The following CLIC5 variants were observed in gnomAD, a reference collection of about 807,000 sequenced individuals.
CLIC5 encodes the protein chloride intracellular channel protein 5.
A neutral mutation model predicts 24.7 loss-of-function variants in CLIC5; 20 were observed. The observed-to-expected ratio is 0.81, with a 90% CI of 0.57 to 1.18. The LOEUF is 1.18. Ranked by LOEUF, CLIC5 falls within the 50% of genes most tolerant of loss-of-function variation. The probability of loss-of-function intolerance (pLI) is 0.00; values close to 1 mark genes in which losing one functional copy is unlikely to be tolerated. For synonymous variants in CLIC5, 159 were observed against 135.6 expected (o/e 1.17, Z -1.20); for missense variants, 341 against 326.1 (o/e 1.05, Z -0.35).
intron 1 of CLIC5, among the ~76,000 whole-genome samples, chr6:45,980,451 C>T: frequency 6.6e-6 from 1 of 151,982 alleles, no homozygotes; most frequent in East Asian, 1.9e-4. Context: ...GGAAAACTAC[C>T]TATTGTGTAC....
intron 1 of CLIC5, among the ~76,000 whole-genome samples, chr6:46,072,552 A>G (rs556525855): frequency 6.6e-6 from 1 of 152,242 alleles, no homozygotes; most frequent in South Asian, 2.1e-4. Context: ...CTCTTGGGGG[A>G]AAAATTGCAA....
intron 1 of CLIC5, among the ~76,000 whole-genome samples, chr6:46,034,895 A>C (rs1442801239): frequency 6.6e-6 from 1 of 152,212 alleles, no homozygotes; most frequent in Non-Finnish European, 1.5e-5. Flanking sequence ...GGTTCGGAGA[A>C]GTGGGACCGT....
the CLIC5 span, among the ~76,000 whole-genome samples, chr6:46,094,477 C>T: frequency 6.6e-6 from 1 of 152,188 alleles, no homozygotes; most frequent in Non-Finnish European, 1.5e-5. Context: ...TGGGTAAATA[C>T]TCCTGTTCCA....
chr6:46,047,028 C>G (rs907239824), intron 1 of CLIC5, among the ~76,000 whole-genome samples: 1 of 152,182 alleles, frequency 6.6e-6, no homozygotes, highest in African/African-American at 2.4e-5. Flanking sequence ...AGAAAGGGAC[C>G]TACCGTAGTG....
At chr6:46,075,073 A>T (rs950105216) in intron 1 of CLIC5, among the ~76,000 whole-genome samples, 1 of 152,234 alleles carries the variant, frequency 6.6e-6, no homozygotes, top group Non-Finnish European at 1.5e-5. Flanking sequence ...AGGCTCCTAT[A>T]TATTGACATT....
chr6:46,036,030 C>CCACTGCGCCAGGCCGACTGCA (rs1767649710), intron 1 of CLIC5, among the ~76,000 whole-genome samples: 1 of 152,032 alleles, frequency 6.6e-6, no homozygotes, highest in South Asian at 2.1e-4. Context: ...CAGGCGTGAG[C>CCACTGCGCCAGGCCGACTGCA]AAGCATGCCC....
chr6:45,922,618 T>C (rs9381410), intron 4 of CLIC5, among the ~76,000 whole-genome samples: 46,264 of 151,990 alleles, frequency 0.3, 7,225 homozygotes, highest in East Asian at 0.47. Context: ...GCCTTTAGTA[T>C]AATATTTTCT....
At chr6:46,026,918 T>C (rs1767346938) in intron 1 of CLIC5, among the ~76,000 whole-genome samples, 1 of 152,204 alleles carries the variant, frequency 6.6e-6, no homozygotes, top group South Asian at 2.1e-4. Flanking sequence ...AACCAGAAGA[T>C]GAGATAGCAC....
At chr6:46,006,127 CATATATATATATATATATAT>C (rs58643121) in intron 1 of CLIC5, among the ~76,000 whole-genome samples, 5 of 35,148 alleles carry the variant, frequency 1.4e-4, no homozygotes, top group African/African-American at 3.7e-4. Context: ...TGTATAAATA[CATATATATATATATATATAT>C]ATATATATAT....
At chr6:45,969,095 T>A (rs1369313460) in intron 1 of CLIC5, among the ~76,000 whole-genome samples, 1 of 152,200 alleles carries the variant, frequency 6.6e-6, no homozygotes, top group Non-Finnish European at 1.5e-5. Flanking sequence ...AAAATTCCAA[T>A]GGCTGAGTAG....
chr6:46,050,998 TGA>T (rs1441644711), intron 1 of CLIC5, among the ~76,000 whole-genome samples: 4 of 152,114 alleles, frequency 2.6e-5, no homozygotes, highest in African/African-American at 9.7e-5. Context: ...CCACTGTGTG[TGA>T]GTCAAAAGTT....
At chr6:46,085,501 C>A in the CLIC5 span, among the ~76,000 whole-genome samples, 2 of 152,140 alleles carry the variant, frequency 1.3e-5, no homozygotes, top group African/African-American at 4.8e-5. Context: ...CAGACAGGAC[C>A]CTCAGCTGCA....
intron 1 of CLIC5, among the ~76,000 whole-genome samples, chr6:46,055,445 C>G (rs1433221915): frequency 2.0e-5 from 3 of 152,152 alleles, no homozygotes; most frequent in African/African-American, 7.2e-5. Flanking sequence ...GCCATGTTGG[C>G]CAGGCTGGTG....
chr6:45,913,200 T>G (rs6458478), intron 5 of CLIC5, among the ~76,000 whole-genome samples: 79,052 of 152,086 alleles, frequency 0.52, 21,546 homozygotes, highest in African/African-American at 0.69. Flanking sequence ...CTTTAAAAAG[T>G]TCCTTTCCTC....
At chr6:46,084,632 C>A (rs1156901410), upstream of CLIC5, among the ~76,000 whole-genome samples, 2 of 152,184 alleles carry the variant, frequency 1.3e-5, no homozygotes, top group Non-Finnish European at 2.9e-5. Flanking sequence ...AGAGTTTCTG[C>A]CGAGAGATCC....
chr6:46,052,926 G>A (rs184190894), intron 1 of CLIC5, among the ~76,000 whole-genome samples: 25 of 152,074 alleles, frequency 1.6e-4, no homozygotes, highest in Admixed American at 1.5e-3. Flanking sequence ...CCTGCCACTC[G>A]GCCCTTATGA....
At chr6:46,042,416 T>G (rs77732751) in intron 1 of CLIC5, among the ~76,000 whole-genome samples, 64 of 152,278 alleles carry the variant, frequency 4.2e-4, no homozygotes, top group Non-Finnish European at 7.8e-4. Context: ...CAAAATAAAT[T>G]TATTTAAATT....
downstream of CLIC5, among the ~76,000 whole-genome samples, chr6:45,897,597 C>G (rs1762410867): frequency 6.6e-6 from 1 of 152,174 alleles, no homozygotes. Context: ...TCTGCTGTTT[C>G]ATTTCTTCCA....
the CLIC5 span, among the ~76,000 whole-genome samples, chr6:46,120,036 A>T: frequency 6.6e-6 from 1 of 152,210 alleles, no homozygotes; most frequent in African/African-American, 2.4e-5. Context: ...AGGCAGCAAA[A>T]ACCTCTGCAG....
Sources: gnomAD v4.1 joint callset for allele counts (sites outside exome capture counted in the v4.1 genomes callset) on GRCh38, gnomAD v4.1.1 for gene constraint, MANE v1.5 for transcripts, NCBI Gene and HGNC (gene_info 2026-07-23, HGNC 2026-07-21) for gene names.